Variants in ADGRL3 observed in about 807,000 individuals in gnomAD.
ADGRL3 encodes calcium-independent alpha-latrotoxin receptor 3.
In ADGRL3, 62 loss-of-function variants were observed where a neutral mutation model predicts 153.5. The observed-to-expected ratio is 0.40, with a 90% CI of 0.33 to 0.50. The LOEUF (loss-of-function observed/expected upper bound fraction) is 0.50. Among genes scored for constraint, ADGRL3 ranks in the 20% least tolerant of loss-of-function variants. ADGRL3 has a pLI of 0.47. For synonymous variants in ADGRL3, 710 were observed against 672.5 expected, an observed-to-expected ratio of 1.06 and a Z score of -0.86; for missense variants, 1,641 against 1,859.4, an observed-to-expected ratio of 0.88 and a Z score of 2.16.
chr4:61,619,107 G>C (rs1560945351), intron 5 of ADGRL3, among the ~76,000 whole-genome samples: 1 of 152,132 alleles, frequency 6.6e-6, no homozygotes, highest in African/African-American at 2.4e-5. Context: ...AAGTCACAGA[G>C]ACAATTTGTG....
intron 1 of ADGRL3, among the ~76,000 whole-genome samples, chr4:61,311,117 A>G (rs1252648024): frequency 6.6e-6 from 1 of 152,128 alleles, no homozygotes; most frequent in East Asian, 1.9e-4. Flanking sequence ...AACACAAACA[A>G]AATCCTAATA....
chr4:61,238,950 G>C (rs555017069), intron 1 of ADGRL3, among the ~76,000 whole-genome samples: 2 of 151,944 alleles, frequency 1.3e-5, no homozygotes, highest in Non-Finnish European at 2.9e-5. Flanking sequence ...AAATAAATAA[G>C]TTCTCTTATT....
intron 1 of ADGRL3, among the ~76,000 whole-genome samples, chr4:61,208,137 A>G: frequency 6.6e-6 from 1 of 152,112 alleles, no homozygotes; most frequent in East Asian, 1.9e-4. Flanking sequence ...AAGGCTACAA[A>G]GGAGTCAAGG....
At chr4:62,044,117 G>A (rs554260850) in intron 24 of ADGRL3, among the ~76,000 whole-genome samples, 1 of 151,706 alleles carries the variant, frequency 6.6e-6, no homozygotes, top group South Asian at 2.1e-4. Flanking sequence ...TTTTACCTTG[G>A]AAATTAAAAT....
intron 4 of ADGRL3, among the ~76,000 whole-genome samples, chr4:61,556,966 A>G (rs1256066110): frequency 6.6e-6 from 1 of 152,182 alleles, no homozygotes; most frequent in Admixed American, 6.5e-5. Flanking sequence ...TCTCTTCAGC[A>G]CAAGAATGTC....
intron 5 of ADGRL3, among the ~76,000 whole-genome samples, chr4:61,666,360 A>C (rs1376006371): frequency 6.6e-6 from 1 of 151,984 alleles, no homozygotes; most frequent in Non-Finnish European, 1.5e-5. Flanking sequence ...TTTTTCAAAC[A>C]TACATAAGTC....
At chr4:61,213,432 T>C (rs1382101260) in intron 1 of ADGRL3, among the ~76,000 whole-genome samples, 2 of 151,800 alleles carry the variant, frequency 1.3e-5, no homozygotes, top group African/African-American at 4.9e-5. Context: ...GTATAGCTAA[T>C]TGTACATTCT....
chr4:61,327,372 C>G (rs191767347), intron 1 of ADGRL3, among the ~76,000 whole-genome samples: 1 of 150,386 alleles, frequency 6.6e-6, no homozygotes, highest in East Asian at 2.0e-4. Flanking sequence ...TAGAGATTTC[C>G]TGTAAAGTAT....
At chr4:61,831,138 C>T (rs1244548616) in intron 9 of ADGRL3, among the ~76,000 whole-genome samples, 6 of 152,090 alleles carry the variant, frequency 3.9e-5, no homozygotes, top group Non-Finnish European at 7.4e-5. Flanking sequence ...ATCCACCCAC[C>T]TCTGCCTCCC....
rs374836789 is a variant in ADGRL3 at position 61,258,069 on chromosome 4, C to A, written c.-240+56304C>A. Among the ~76,000 whole-genome samples the A allele has an allele frequency of 1.3e-4, 20 of 152,248 alleles. No individual in the cohort carries two copies. The East Asian group carries it at 3.9e-3, about 29-fold the overall frequency. On this transcript the variant is annotated intron_variant, in intron 1 of 26. Coordinates refer to ENST00000683033, the MANE Select transcript of ADGRL3 (RefSeq NM_001387552.1). ...TCCTCCAGGACTAATATTTTTTAAA[C>A]CTTAGTGCAAGGACCTATCCCCCCC...
intron 3 of ADGRL3, among the ~76,000 whole-genome samples, chr4:61,511,848 T>C (rs1458079548): frequency 6.6e-6 from 1 of 152,218 alleles, no homozygotes; most frequent in Non-Finnish European, 1.5e-5. Context: ...AATTTCTACA[T>C]GATGGCATCT....
intron 5 of ADGRL3, among the ~76,000 whole-genome samples, chr4:61,617,823 G>A (rs2092166778): frequency 6.6e-6 from 1 of 152,166 alleles, no homozygotes; most frequent in Non-Finnish European, 1.5e-5. Context: ...CTGTTAACAT[G>A]TGTTATAAAT....
At chr4:61,899,980 G>A (rs1200053913) in intron 11 of ADGRL3, among the ~76,000 whole-genome samples, 1 of 152,138 alleles carries the variant, frequency 6.6e-6, no homozygotes, top group African/African-American at 2.4e-5. Context: ...AATTTTGGAA[G>A]GACACAAACA....
At chr4:61,637,310 T>C (rs1469340384) in intron 5 of ADGRL3, among the ~76,000 whole-genome samples, 1 of 152,072 alleles carries the variant, frequency 6.6e-6, no homozygotes, top group Non-Finnish European at 1.5e-5. Flanking sequence ...CATGTGAAAA[T>C]GAAAGCGGAG....
chr4:61,380,726 G>T (rs543327715), intron 1 of ADGRL3, among the ~76,000 whole-genome samples: 6 of 151,804 alleles, frequency 4.0e-5, no homozygotes, highest in African/African-American at 1.2e-4. Flanking sequence ...ACATATATTT[G>T]CCGGCATTTA....
chr4:61,306,481 A>G (rs761076934), intron 1 of ADGRL3, among the ~76,000 whole-genome samples: 4 of 152,202 alleles, frequency 2.6e-5, no homozygotes, highest in Non-Finnish European at 5.9e-5. Flanking sequence ...CCATGTAGGC[A>G]TTACACTGAG....
chr4:61,848,595 G>T (rs1047975816), intron 9 of ADGRL3, among the ~76,000 whole-genome samples: 6 of 151,980 alleles, frequency 3.9e-5, no homozygotes, highest in African/African-American at 1.2e-4. Flanking sequence ...GGTACCAGGG[G>T]TTAGGACTTC....
At chr4:61,490,397 C>T (rs541223615) in intron 2 of ADGRL3, among the ~76,000 whole-genome samples, 63 of 152,148 alleles carry the variant, frequency 4.1e-4, no homozygotes, top group African/African-American at 1.5e-3. Flanking sequence ...CCTCCTCCTT[C>T]TTTAATGCAG....
intron 8 of ADGRL3, among the ~76,000 whole-genome samples, chr4:61,777,540 C>T (rs1396685816): frequency 6.6e-6 from 1 of 152,014 alleles, no homozygotes; most frequent in African/African-American, 2.4e-5. Flanking sequence ...AAATAAATTT[C>T]TGAAGATTAA....
Sources: gnomAD v4.1 joint callset for allele counts (sites outside exome capture counted in the v4.1 genomes callset) on GRCh38, gnomAD v4.1.1 for gene constraint, MANE v1.5 for transcripts, NCBI Gene and HGNC (gene_info 2026-07-23, HGNC 2026-07-21) for gene names.